The following TCF4 variants were observed in gnomAD, a reference collection of about 807,000 sequenced individuals.
TCF4 encodes the protein transcription factor 4.
In TCF4, 3 loss-of-function variants were observed where a neutral mutation model predicts 82.1. The ratio of observed to expected loss-of-function variants is 0.04; its 90% CI spans 0.02 to 0.09. The LOEUF is 0.09. Among genes scored for constraint, TCF4 ranks in the 10% least tolerant of loss-of-function variants. The pLI is 1.00. For synonymous variants in TCF4, 276 were observed against 309.6 expected (o/e 0.89, Z 1.14); for missense variants, 518 against 852.7 (o/e 0.61, Z 4.89).
intron 3 of TCF4, among the ~76,000 whole-genome samples, chr18:55,468,981 T>C (rs2096110344): frequency 6.7e-6 from 1 of 148,880 alleles, no homozygotes; most frequent in Non-Finnish European, 1.5e-5. Flanking sequence ...AGCAAGTAGA[T>C]GATAGAAATT....
chr18:55,562,840 A>G (rs1337946104), intron 3 of TCF4, among the ~76,000 whole-genome samples: 1 of 152,200 alleles, frequency 6.6e-6, no homozygotes, highest in Non-Finnish European at 1.5e-5. Flanking sequence ...CATTTTTTCT[A>G]AAACATATTT....
chr18:55,589,850 T>TG (rs2097680802), upstream of TCF4: 1 of 1,001,252 alleles, frequency 1.0e-6, no homozygotes. Context: ...AGACAATGAC[T>TG]GGGAAGGGGC....
chr18:55,373,395 T>C (rs894323467), intron 6 of TCF4, among the ~76,000 whole-genome samples: 2 of 152,130 alleles, frequency 1.3e-5, no homozygotes, highest in East Asian at 1.9e-4. Context: ...ATATATTTTT[T>C]AAAATATAAA....
chr18:55,438,497 A>T (rs2095376239), intron 5 of TCF4, among the ~76,000 whole-genome samples: 1 of 152,214 alleles, frequency 6.6e-6, no homozygotes, highest in African/African-American at 2.4e-5. Context: ...GAAAAAAGAA[A>T]GTGATGTAGC....
At chr18:55,376,712 T>C (rs2090843426) in intron 6 of TCF4, among the ~76,000 whole-genome samples, 2 of 152,198 alleles carry the variant, frequency 1.3e-5, no homozygotes, top group African/African-American at 2.4e-5. Context: ...ATGTCCCACA[T>C]TCTTATTGCA....
intron 2 of TCF4, among the ~76,000 whole-genome samples, chr18:55,613,728 C>T (rs1053254269): frequency 6.6e-6 from 1 of 152,164 alleles, no homozygotes; most frequent in Non-Finnish European, 1.5e-5. Flanking sequence ...AGAACTATCA[C>T]ACGAACAGCA....
At chr18:55,469,489 T>G (rs1452712276) in intron 3 of TCF4, 1 of 152,110 alleles carries the variant, frequency 6.6e-6, no homozygotes. Context: ...ATAAAGTATT[T>G]GACAGATCAG....
At chr18:55,362,436 AAAAAAAAAAGAAGAAAACAT>A (rs2085695098) in intron 6 of TCF4, among the ~76,000 whole-genome samples, 1 of 131,004 alleles carries the variant, frequency 7.6e-6, no homozygotes, top group African/African-American at 2.9e-5. Flanking sequence ...GAAGGAAGGA[AAAAAAAAAAGAAGAAAACAT>A]GTATCTGACC....
chr18:55,575,006 A>T (rs2097514858), intron 3 of TCF4, among the ~76,000 whole-genome samples: 1 of 152,214 alleles, frequency 6.6e-6, no homozygotes, highest in South Asian at 2.1e-4. Context: ...TTAAACAATT[A>T]TGGACTATCT....
intron 12 of TCF4, 159 bp downstream of exon 12, chr18:55,261,307 C>T (rs1406637516): frequency 2.3e-6 from 2 of 853,050 alleles, no homozygotes; most frequent in Non-Finnish European, 4.0e-6. Flanking sequence ...GCTTCAGAGC[C>T]TTCTCAAATT....
intron 8 of TCF4, among the ~76,000 whole-genome samples, chr18:55,314,309 G>T (rs1365164784): frequency 1.3e-5 from 2 of 152,022 alleles, no homozygotes; most frequent in East Asian, 3.8e-4. Context: ...TAATGTGCTG[G>T]CCAATCAACT....
At chr18:55,420,751 T>C (rs975156319) in intron 5 of TCF4, among the ~76,000 whole-genome samples, 1 of 152,152 alleles carries the variant, frequency 6.6e-6, no homozygotes, top group South Asian at 2.1e-4. Flanking sequence ...CACTTCCTCA[T>C]TTACACATAT....
At chr18:55,289,973 A>C (rs955894054) in intron 8 of TCF4, among the ~76,000 whole-genome samples, 2 of 152,204 alleles carry the variant, frequency 1.3e-5, no homozygotes, top group African/African-American at 4.8e-5. Context: ...TACTAAGTGC[A>C]TGCATGCATG....
At chr18:55,498,619 C>A (rs1257111728) in intron 3 of TCF4, among the ~76,000 whole-genome samples, 1 of 152,184 alleles carries the variant, frequency 6.6e-6, no homozygotes, top group Non-Finnish European at 1.5e-5. Flanking sequence ...TCCTCTGAGT[C>A]TCTAGTGAAG....
At chr18:55,526,792 G>A (rs2096989354) in intron 3 of TCF4, among the ~76,000 whole-genome samples, 1 of 152,088 alleles carries the variant, frequency 6.6e-6, no homozygotes, top group South Asian at 2.1e-4. Flanking sequence ...CCCTCAACTG[G>A]ATCCTAATTG....
At chr18:55,446,764 C>T (rs1034554640) in intron 5 of TCF4, among the ~76,000 whole-genome samples, 1 of 151,986 alleles carries the variant, frequency 6.6e-6, no homozygotes, top group Non-Finnish European at 1.5e-5. Context: ...GCAGGCGGAT[C>T]ACTAGGTCAG....
At chr18:55,546,807 C>T (rs574926072) in intron 3 of TCF4, 3 of 152,288 alleles carry the variant, frequency 2.0e-5, no homozygotes, top group Non-Finnish European at 4.4e-5. Flanking sequence ...ACAGGCTTTA[C>T]GTTAACAGAC....
At chr18:55,577,255 T>C (rs1269685756) in intron 3 of TCF4, among the ~76,000 whole-genome samples, 1 of 147,140 alleles carries the variant, frequency 6.8e-6, no homozygotes, top group Non-Finnish European at 1.5e-5. Flanking sequence ...TATATACATA[T>C]TTATACATAT....
At chr18:55,328,312 G>T (rs2147690176) in intron 8 of TCF4, among the ~76,000 whole-genome samples, 1 of 151,818 alleles carries the variant, frequency 6.6e-6, no homozygotes, top group East Asian at 1.9e-4. Context: ...AAGGAGAAAA[G>T]ACTTCATTAT....
Sources: allele counts gnomAD v4.1 joint callset (sites outside exome capture counted in the v4.1 genomes callset), GRCh38; gene constraint gnomAD v4.1.1; transcripts MANE v1.5; gene names NCBI Gene and HGNC (gene_info 2026-07-23, HGNC 2026-07-21).